The following CCDC125 variants were observed in gnomAD, a reference collection of about 807,000 sequenced individuals.
The protein encoded by CCDC125 is coiled-coil domain-containing protein 125.
CCDC125 carries 43 observed loss-of-function variants against 57.4 expected under a neutral mutation model. That is an observed-to-expected ratio of 0.75 (90% confidence interval 0.59 to 0.97). CCDC125 has a LOEUF of 0.97. Ranked by LOEUF, CCDC125 falls within the 50% of genes least tolerant of loss-of-function variation. The probability of loss-of-function intolerance (pLI) is 0.00; values close to 1 mark genes in which losing one functional copy is unlikely to be tolerated. For synonymous variants in CCDC125, 187 were observed against 195.2 expected, an observed-to-expected ratio of 0.96 and a Z score of 0.35; for missense variants, 563 against 595.7, an observed-to-expected ratio of 0.95 and a Z score of 0.57.
chr5:69,323,924 T>C (rs1228573002), intron 1 of CCDC125: 1 of 152,116 alleles, frequency 6.6e-6, no homozygotes, highest in Non-Finnish European at 1.5e-5. Context: ...GCTATAGCTA[T>C]TTAGAAATAT....
At chr5:69,301,505 C>G (rs964779846) in intron 7 of CCDC125, among the ~76,000 whole-genome samples, 9 of 151,664 alleles carry the variant, frequency 5.9e-5, no homozygotes, top group African/African-American at 2.2e-4. Flanking sequence ...GAGGCCAAGG[C>G]GAGCAGATCA....
In CCDC125 at chr5:69,300,143, T is replaced by A; in HGVS notation, c.701-16A>T. 6.4e-7 allele frequency: 1 copy of A among 1,571,678 alleles called. No individual in the cohort carries two copies. Among genetic ancestry groups the A allele is most frequent in the Non-Finnish European group, 8.8e-7 (1 of 1,141,312 alleles). On this transcript the variant is annotated splice_polypyrimidine_tract_variant and intron_variant, in intron 7 of 11. Transcript: ENST00000396496. ...TGATTCAAAACTAGGAAGGGCCATA[T>A]GAGAAAGTATTCATTATGAAGCCTA... is the stretch of plus-strand genomic sequence containing the variant.
At chr5:69,300,385 T>C (rs1038052052) in intron 7 of CCDC125, among the ~76,000 whole-genome samples, 3 of 152,194 alleles carry the variant, frequency 2.0e-5, no homozygotes, top group Non-Finnish European at 4.4e-5. Flanking sequence ...TGTTTCCTCT[T>C]GGAAAATTTG....
chr5:69,306,853 T>C lies in CCDC125; in HGVS notation c.581A>G (p.Lys194Arg). ...WEIEFDHNRF[K>R]NIEESWIQKY... is the part of the protein sequence containing the mutation. ...TTGGATCCAAGATTCCTCTATATTT[T>C]TAAATCTATTATGATCAAATTCTAT... The change falls in exon 6 of 12, where the codon AAA (lysine) becomes AGA (arginine). Residue 194 changes from lysine (K) to arginine (R), a missense_variant. By Grantham distance (26) the Lys-to-Arg change is conservative. Coordinates refer to ENST00000396496, the MANE Select transcript of CCDC125 (RefSeq NM_176816.5). 6.6e-7 allele frequency: 1 copy of C among 1,522,972 alleles called. No individual in the cohort carries two copies. Among genetic ancestry groups the C allele is most frequent in the Non-Finnish European group, 8.8e-7 (1 of 1,140,176 alleles). The allele number at this position is 1,522,972 out of a possible 1,614,324, so 94.3% of individuals were successfully genotyped here.
chr5:69,277,074 A>ACTTTTTT, downstream of CCDC125: 1 of 1,553,304 alleles, frequency 6.4e-7, no homozygotes, highest in East Asian at 2.3e-5. Flanking sequence ...AATGTGAACA[A>ACTTTTTT]CTTTTTTTTT....
chr5:69,284,380 T>C (rs1283296798), intron 11 of CCDC125, among the ~76,000 whole-genome samples: 5 of 152,180 alleles, frequency 3.3e-5, no homozygotes, highest in Admixed American at 2.0e-4. Context: ...AGTCATTCCA[T>C]GTGGAATGTG....
intron 2 of CCDC125, among the ~76,000 whole-genome samples, chr5:69,318,659 A>G (rs1004292435): frequency 1.3e-5 from 2 of 151,710 alleles, no homozygotes; most frequent in African/African-American, 4.8e-5. Flanking sequence ...AGGCTGAGGC[A>G]GTAGAATACC....
At chr5:69,275,323 A>AT (rs1479657626), downstream of CCDC125, among the ~76,000 whole-genome samples, 2 of 152,172 alleles carry the variant, frequency 1.3e-5, no homozygotes, top group African/African-American at 2.4e-5. Flanking sequence ...AACCTACTGT[A>AT]TTTTTTAAAA....
intron 10 of CCDC125, among the ~76,000 whole-genome samples, chr5:69,285,983 G>A (rs546985102): frequency 1.3e-5 from 2 of 151,714 alleles, no homozygotes; most frequent in South Asian, 2.1e-4. Flanking sequence ...TCTCTAAAAT[G>A]AGAATAGCAT....
chr5:69,307,509 T>C (rs1364240291), intron 5 of CCDC125, among the ~76,000 whole-genome samples: 3 of 151,906 alleles, frequency 2.0e-5, no homozygotes, highest in East Asian at 1.9e-4. Context: ...GGTGAAATCC[T>C]GTCTCTACTA....
In CCDC125 at chr5:69,328,994, C is replaced by T. The variant is rs764789280; in HGVS notation, c.-41+3655G>A. Among the ~76,000 whole-genome samples the T allele has an allele frequency of 5.9e-5, 9 of 151,470 alleles. No individual in the cohort carries two copies. In the East Asian group the frequency reaches 1.4e-3, roughly 23 times the overall value. On this transcript the variant is annotated intron_variant, in intron 1 of 11. Coordinates refer to ENST00000396496, the MANE Select transcript of CCDC125 (RefSeq NM_176816.5). ...ATTTTTAGTAGAGATGGAGTTTCACCGTGTTAAGCAGGATGGTCTCAATCT... is the reference window on the plus strand; with the variant it reads ...ATTTTTAGTAGAGATGGAGTTTCACTGTGTTAAGCAGGATGGTCTCAATCT...
chr5:69,298,402 C>T (rs1159815701), intron 8 of CCDC125, among the ~76,000 whole-genome samples: 1 of 152,222 alleles, frequency 6.6e-6, no homozygotes, highest in Non-Finnish European at 1.5e-5. Context: ...CACTGCCTCC[C>T]TTAGTGTAAA....
chr5:69,317,163 C>CA (rs1759241925), intron 2 of CCDC125, among the ~76,000 whole-genome samples: 1 of 152,082 alleles, frequency 6.6e-6, no homozygotes, highest in Admixed American at 6.6e-5. Flanking sequence ...CACCTGCCAC[C>CA]ATGCCCAGCT....
chr5:69,275,242 T>C (rs1751999738), downstream of CCDC125, among the ~76,000 whole-genome samples: 1 of 152,190 alleles, frequency 6.6e-6, no homozygotes, highest in Non-Finnish European at 1.5e-5. Flanking sequence ...AGAAATAATC[T>C]TGGAGAAGCC....
intron 8 of CCDC125, among the ~76,000 whole-genome samples, chr5:69,296,147 G>A (rs1755286298): frequency 6.6e-6 from 1 of 152,010 alleles, no homozygotes; most frequent in Admixed American, 6.6e-5. Flanking sequence ...CTCCCAAAGT[G>A]CTGGGATTAC....
At chr5:69,295,404 A>G (rs970240690) in intron 8 of CCDC125, among the ~76,000 whole-genome samples, 1 of 152,230 alleles carries the variant, frequency 6.6e-6, no homozygotes, top group African/African-American at 2.4e-5. Context: ...AAATAAAAAA[A>G]TACGATTGAT....
At chr5:69,300,447 T>C (rs979929791) in intron 7 of CCDC125, among the ~76,000 whole-genome samples, 5 of 152,230 alleles carry the variant, frequency 3.3e-5, no homozygotes, top group Non-Finnish European at 5.9e-5. Context: ...AGAGACTTTA[T>C]GGTTAGTGAG....
At chr5:69,325,601 G>A (rs997576208) in intron 1 of CCDC125, among the ~76,000 whole-genome samples, 2 of 150,818 alleles carry the variant, frequency 1.3e-5, no homozygotes, top group African/African-American at 2.4e-5. Context: ...CGAGGTGGGC[G>A]GATCACGAGG....
In CCDC125 at chr5:69,321,839, CT is replaced by C. The variant is rs5868576; in HGVS notation, c.-40-1260del. On this transcript the variant is annotated intron_variant, in intron 1 of 11. Coordinates refer to ENST00000396496, the MANE Select transcript of CCDC125 (RefSeq NM_176816.5). ...TATAAGTATTTAACATTTCAGAACT[CT>C]TTTTTTTTTCTTTTAGACGGAGCTT... Among the ~76,000 whole-genome samples, 1,535 of 150,062 alleles carry C rather than the reference CT, an allele frequency of 0.01. 49 individuals carry two copies. In the East Asian group the frequency reaches 0.13, roughly 13 times the overall value.
Sources: allele counts gnomAD v4.1 joint callset (sites outside exome capture counted in the v4.1 genomes callset), GRCh38; gene constraint gnomAD v4.1.1; transcripts MANE v1.5; gene names NCBI Gene and HGNC (gene_info 2026-07-23, HGNC 2026-07-21).